The following WDR43 variants were observed in gnomAD, a reference collection of about 807,000 sequenced individuals.
WDR43 encodes the protein WD repeat domain 43, also known as WD repeat-containing protein 43.
A neutral mutation model predicts 91.4 loss-of-function variants in WDR43; 13 were observed. The ratio of observed to expected loss-of-function variants is 0.14; its 90% CI spans 0.09 to 0.23. WDR43 has a LOEUF of 0.23. WDR43 is among the 10% of genes least tolerant of loss of function. WDR43 has a pLI of 1.00. For synonymous variants in WDR43, 331 were observed against 287.9 expected, an observed-to-expected ratio of 1.15 and a Z score of -1.51; for missense variants, 780 against 809.4, an observed-to-expected ratio of 0.96 and a Z score of 0.44.
intron 3 of WDR43, among the ~76,000 whole-genome samples, chr2:28,911,975 A>G (rs1670809481): frequency 6.6e-6 from 1 of 152,242 alleles, no homozygotes; most frequent in East Asian, 1.9e-4. Context: ...TGCCTATGAC[A>G]GCATTAATAT....
chr2:28,929,833 TGA>T (rs1316567776), intron 11 of WDR43, 123 bp downstream of exon 11: 8 of 1,067,570 alleles, frequency 7.5e-6, no homozygotes, highest in Non-Finnish European at 1.1e-5. Context: ...TAATGTTTTA[TGA>T]GTTTAGTCAA....
intron 3 of WDR43, among the ~76,000 whole-genome samples, chr2:28,910,899 T>A (rs1446155560): frequency 6.6e-6 from 1 of 151,912 alleles, no homozygotes; most frequent in Non-Finnish European, 1.5e-5. Flanking sequence ...GGTTTCACCA[T>A]GTTGTTCAGG....
At position 28,946,807 on chromosome 2, in the gene WDR43, T is replaced by C. The variant is rs933806016; in HGVS notation, c.*28T>C. The C allele has an allele frequency of 1.9e-6, 3 of 1,544,318 alleles. No homozygotes were observed. Among genetic ancestry groups the C allele is most frequent in the Admixed American group, 2.0e-5 (1 of 49,906 alleles). On this transcript the variant is annotated 3_prime_UTR_variant, in exon 18 of 18. Transcript: ENST00000407426. The stretch of plus-strand genomic sequence containing the variant: ...ACAGCAAAGCAAGCCGGTCAAACTA[T>C]ATAAACTCTGGCTCACCTTGCCCAG...
At chr2:28,900,439 C>A (rs1031772545) in intron 1 of WDR43, among the ~76,000 whole-genome samples, 1 of 152,198 alleles carries the variant, frequency 6.6e-6, no homozygotes. Context: ...GCCTCAGCCT[C>A]CCAAAGTGCT....
At position 28,943,174 on chromosome 2, in the gene WDR43, C is replaced by A. The variant is rs535255535; in HGVS notation, c.1804+793C>A. On this transcript the variant is annotated intron_variant, in intron 16 of 17. Transcript: ENST00000407426. ...TTTTGCACAGACTCTCTCTGTTGCTCAGGCTGGAGTGCAGTGGCTCGAGGT... is the reference window on the plus strand; with the variant it reads ...TTTTGCACAGACTCTCTCTGTTGCTAAGGCTGGAGTGCAGTGGCTCGAGGT... 1.6e-4 allele frequency among the ~76,000 whole-genome samples: 24 copies of A among 152,194 alleles called. No homozygotes were observed. In the South Asian group the frequency reaches 5.0e-3, roughly 32 times the overall value.
chr2:28,938,285 A>C (rs1227259016), intron 14 of WDR43, among the ~76,000 whole-genome samples: 4 of 152,178 alleles, frequency 2.6e-5, no homozygotes, highest in Non-Finnish European at 1.5e-5. Context: ...ACATACTAAG[A>C]TTTAGATGTG....
chr2:28,910,187 G>T (rs930866499), intron 3 of WDR43, among the ~76,000 whole-genome samples: 4 of 152,212 alleles, frequency 2.6e-5, no homozygotes, highest in African/African-American at 9.6e-5. Context: ...TGAGGGATTA[G>T]GGTGTGGGGA....
At chr2:28,904,796 T>C (rs1670647036) in intron 2 of WDR43, among the ~76,000 whole-genome samples, 1 of 152,282 alleles carries the variant, frequency 6.6e-6, no homozygotes, top group Non-Finnish European at 1.5e-5. Flanking sequence ...GGTAACAATG[T>C]TATTTCCAAG....
At chr2:28,895,252 C>T (rs748751862) in intron 1 of WDR43, 11 of 254,444 alleles carry the variant, frequency 4.3e-5, no homozygotes, top group East Asian at 7.5e-5. Flanking sequence ...TCTGCCGGGC[C>T]TTGGCTCATC....
chr2:28,935,733 GAAA>G, intron 12 of WDR43, 126 bp downstream of exon 12: 1 of 357,996 alleles, frequency 2.8e-6, no homozygotes, highest in Non-Finnish European at 4.7e-6. Flanking sequence ...ATGGATGGAG[GAAA>G]GTACTTTAGA....
chr2:28,941,719 C>G, intron 15 of WDR43, 145 bp downstream of exon 15: 2 of 614,566 alleles, frequency 3.3e-6, no homozygotes. Context: ...CAGCCTCGCT[C>G]AAGTGCCTCC....
intron 15 of WDR43, 61 bp from the exon 16 acceptor site, chr2:28,942,251 G>T (rs568890294): frequency 1.3e-6 from 2 of 1,535,644 alleles, no homozygotes; most frequent in South Asian, 2.3e-5. Flanking sequence ...GTATGCTGGT[G>T]GTCGTGATAC....
At chr2:28,908,119 A>G (rs554220374) in intron 3 of WDR43, among the ~76,000 whole-genome samples, 1 of 152,360 alleles carries the variant, frequency 6.6e-6, no homozygotes, top group African/African-American at 2.4e-5. Context: ...TGGGATATTG[A>G]GTTTAGTTTT....
intron 1 of WDR43, among the ~76,000 whole-genome samples, chr2:28,898,901 T>C (rs77449429): frequency 6.6e-6 from 1 of 152,230 alleles, no homozygotes; most frequent in Admixed American, 6.5e-5. Context: ...TGTGCTTTTT[T>C]CTGTCTTCAT....
chr2:28,917,836 T>G (rs548669387), intron 5 of WDR43, 57 bp from the exon 6 acceptor site: 38 of 1,506,196 alleles, frequency 2.5e-5, no homozygotes, highest in Non-Finnish European at 3.2e-5. Context: ...GTGTTTGCCT[T>G]TTTAGGAAGA....
At chr2:28,911,725 G>A (rs975160496) in intron 3 of WDR43, among the ~76,000 whole-genome samples, 2 of 151,776 alleles carry the variant, frequency 1.3e-5, no homozygotes, top group Non-Finnish European at 2.9e-5. Flanking sequence ...TCTGCCTCCT[G>A]GGCTCAAGCG....
chr2:28,939,497 T>C (rs1188292680), intron 14 of WDR43, among the ~76,000 whole-genome samples: 1 of 152,230 alleles, frequency 6.6e-6, no homozygotes, highest in Admixed American at 6.5e-5. Flanking sequence ...GTAGCAGTTA[T>C]CAAGGAAACC....
chr2:28,940,102 A>G (rs1219486043), intron 14 of WDR43, among the ~76,000 whole-genome samples: 2 of 85,380 alleles, frequency 2.3e-5, no homozygotes, highest in Non-Finnish European at 4.4e-5. Context: ...ACAGAGCGAG[A>G]CTCCGTCTCA....
chr2:28,926,431 C>A (rs571249673), intron 8 of WDR43, 37 bp from the exon 9 acceptor site: 1 of 1,365,030 alleles, frequency 7.3e-7, no homozygotes, highest in African/African-American at 1.5e-5. Context: ...TTTTTTCTTT[C>A]CTCTCATCTT....
Sources: gnomAD v4.1 joint callset for allele counts (sites outside exome capture counted in the v4.1 genomes callset) on GRCh38, gnomAD v4.1.1 for gene constraint, MANE v1.5 for transcripts, NCBI Gene and HGNC (gene_info 2026-07-23, HGNC 2026-07-21) for gene names.